PCDHGA8: variants seen among roughly 807,000 people sequenced by gnomAD.
The protein encoded by PCDHGA8 is protocadherin gamma-A8.
PCDHGA8 carries 45 observed loss-of-function variants against 59.2 expected under a neutral mutation model. The observed-to-expected ratio is 0.76, with a 90% CI of 0.60 to 0.98. PCDHGA8 has a LOEUF of 0.98. Among genes scored for constraint, PCDHGA8 ranks in the 50% least tolerant of loss-of-function variants. PCDHGA8 has a pLI of 0.00. For missense variants in PCDHGA8, 1,257 were observed against 1,196.2 expected, an observed-to-expected ratio of 1.05 and a Z score of -0.75; for synonymous variants, 531 against 519.0, an observed-to-expected ratio of 1.02 and a Z score of -0.32.
chr5:141,432,717 C>T lies in PCDHGA8; in HGVS notation c.2424+37480C>T. On this transcript the variant is annotated intron_variant, in intron 1 of 3. Transcript: ENST00000398604. The surrounding 1 kb of genome is among the most constrained non-coding windows in gnomAD (Gnocchi z 6.0). ...GCCGTCCAGGACCACGGCCAGCCCC[C>T]TCTCTCCGCCACTGTCACGCTCACC... 1 of 1,614,030 alleles carries T rather than the reference C, an allele frequency of 6.2e-7. No individual in the cohort carries two copies. Among genetic ancestry groups the T allele is most frequent in the Non-Finnish European group, 8.5e-7 (1 of 1,179,978 alleles).
chr5:141,417,618 G>C, intron 1 of PCDHGA8: 3 of 654,348 alleles, frequency 4.6e-6, no homozygotes, highest in Non-Finnish European at 7.4e-6. Flanking sequence ...CCAGTGCAGA[G>C]CAAGCGCTGA....
rs895234762 is a variant in PCDHGA8 at position 141,476,911 on chromosome 5, A to G, written c.2425-17896A>G. 4 of 1,613,972 alleles carry G rather than the reference A, an allele frequency of 2.5e-6. No individual in the cohort carries two copies. The African/African-American group carries it at 4.0e-5, about 16-fold the overall frequency. On this transcript the variant is annotated intron_variant, in intron 1 of 3. Transcript: ENST00000398604. This position sits in a 1 kb window ranked among gnomAD's most constrained non-coding sequence, Gnocchi z 7.6. ...CACCCTCCGGCACGCGCGTGGTACA[A>G]GTCCTTGCAACGGATCTGGATGAAG...
chr5:141,509,550 T>C (rs1562240751), intron 3 of PCDHGA8, among the ~76,000 whole-genome samples: 1 of 152,142 alleles, frequency 6.6e-6, no homozygotes, highest in Non-Finnish European at 1.5e-5. Flanking sequence ...TCTCATTTAG[T>C]CCTCACAGCA....
At chr5:141,430,877 G>A (rs1392342627) in intron 1 of PCDHGA8, 5 of 1,600,678 alleles carry the variant, frequency 3.1e-6, no homozygotes, top group African/African-American at 2.7e-5. Context: ...GGAAGAGCTG[G>A]AGAAAGGCTC....
In PCDHGA8 at chr5:141,394,557, G is replaced by A. The variant is rs372165481; in HGVS notation, c.1744G>A (p.Ala582Thr). ...TGGCGTGGAGCTGGCGCCCCGCTCC[G>A]CAGAGCGTGGCTACCTGGTGACCAA... ...STGVELAPRS[A>T]ERGYLVTKVV... is the part of the protein sequence containing the mutation. Residue 582 changes from alanine (A) to threonine (T), a missense_variant, in exon 1 of 4, where the codon GCA (alanine) becomes ACA (threonine). Ala to Thr is a moderately conservative substitution (Grantham distance 58). Coordinates refer to ENST00000398604, the MANE Select transcript of PCDHGA8 (RefSeq NM_032088.2). 23 of 1,613,964 alleles carry A rather than the reference G, an allele frequency of 1.4e-5. No individual in the cohort carries two copies. The highest frequency in any genetic ancestry group is 4.4e-5 in the South Asian group (4 of 91,074).
intron 1 of PCDHGA8, among the ~76,000 whole-genome samples, chr5:141,488,661 G>T (rs573211567): frequency 6.6e-6 from 1 of 152,246 alleles, no homozygotes; most frequent in African/African-American, 2.4e-5. Context: ...GGAGGGTGGG[G>T]GAATACATGG....
intron 1 of PCDHGA8, chr5:141,408,577 T>C (rs771768269): frequency 6.2e-7 from 1 of 1,614,068 alleles, no homozygotes; most frequent in South Asian, 1.1e-5. Flanking sequence ...TGATTGAGGA[T>C]GTTAATGACC....
At position 141,432,299 on chromosome 5, in the gene PCDHGA8, C is replaced by G; in HGVS notation, c.2424+37062C>G. ...GTCCATCAACTCCGACACTGGGGTA[C>G]TGTATGCGCTGAGCTCCTTCGACTA... is the stretch of plus-strand genomic sequence containing the variant. On this transcript the variant is annotated intron_variant, in intron 1 of 3. Transcript: ENST00000398604. This position sits in a 1 kb window ranked among gnomAD's most constrained non-coding sequence, Gnocchi z 6.0. The G allele has an allele frequency of 2.5e-6, 4 of 1,614,278 alleles. No homozygotes were observed. The highest frequency in any genetic ancestry group is 3.4e-6 in the Non-Finnish European group (4 of 1,180,056).
chr5:141,413,461 C>G (rs1294898087), intron 1 of PCDHGA8: 11 of 1,614,082 alleles, frequency 6.8e-6, no homozygotes, highest in Non-Finnish European at 7.6e-6. Flanking sequence ...CAGGATAGAC[C>G]GGGAGGAGCT....
At chr5:141,444,152 A>ATTTTTTTTTTTT (rs747671382) in intron 1 of PCDHGA8, among the ~76,000 whole-genome samples, 4 of 33,898 alleles carry the variant, frequency 1.2e-4, no homozygotes, top group Admixed American at 3.9e-4. Flanking sequence ...TGTGTACTGG[A>ATTTTTTTTTTTT]TTTTTTTTTT....
Position 141,427,474 on chromosome 5 carries a change from A to T in PCDHGA8, c.2424+32237A>T, listed in dbSNP as rs373512099. On this transcript the variant is annotated intron_variant, in intron 1 of 3. Transcript: ENST00000398604. The stretch of plus-strand genomic sequence containing the variant: ...CCTTTTAGAATCGAATCTTCCGCCA[A>T]TAATGACTATAAGCTTGTAACAGAT... 10 of 520,294 alleles carry T rather than the reference A, an allele frequency of 1.9e-5. No individual in the cohort carries two copies. In the East Asian group the frequency reaches 2.1e-4, roughly 11 times the overall value. The allele number at this position is 520,294 out of a possible 1,614,324, so 32.2% of individuals were successfully genotyped here. A position where few individuals can be genotyped will look rare whatever the true frequency, so the allele number is the denominator to read the frequency against.
chr5:141,422,520 G>T, intron 1 of PCDHGA8: 2 of 1,613,946 alleles, frequency 1.2e-6, no homozygotes, highest in Middle Eastern at 1.6e-4. Flanking sequence ...AGGGAAGCCC[G>T]CCTTTGTCTG....
At position 141,404,066 on chromosome 5, in the gene PCDHGA8, C is replaced by G. The variant is rs745515085; in HGVS notation, c.2424+8829C>G. The G allele has an allele frequency of 3.1e-6, 5 of 1,613,776 alleles. No individual in the cohort carries two copies. The East Asian group carries it at 8.9e-5, about 29-fold the overall frequency. On this transcript the variant is annotated intron_variant, in intron 1 of 3. Transcript: ENST00000398604. ...AACAGTAATTCTTCTTTTCAATGCT[C>G]ATGACCGAGACTCCGGGAAGAATGG...
At chr5:141,468,748 C>T (rs2099176836) in intron 1 of PCDHGA8, among the ~76,000 whole-genome samples, 1 of 151,866 alleles carries the variant, frequency 6.6e-6, no homozygotes, top group South Asian at 2.1e-4. Context: ...TGCCTGTAGT[C>T]CCAGCTACTC....
intron 1 of PCDHGA8, chr5:141,409,027 TGA>T: frequency 1.9e-6 from 3 of 1,613,978 alleles, no homozygotes; most frequent in Non-Finnish European, 2.5e-6. Context: ...GGGTCAATGC[TGA>T]GATAAACTAC....
intron 1 of PCDHGA8, chr5:141,403,954 C>A: frequency 6.2e-7 from 1 of 1,613,800 alleles, no homozygotes; most frequent in Non-Finnish European, 8.5e-7. Flanking sequence ...CAAAAGTGCT[C>A]ATTTCGGTGG....
Position 141,446,243 on chromosome 5 carries a change from C to T in PCDHGA8, c.2425-48564C>T, listed in dbSNP as rs552551215. Among the ~76,000 whole-genome samples, 23 of 152,096 alleles carry T rather than the reference C, an allele frequency of 1.5e-4. 1 individual carries two copies. The South Asian group carries it at 4.6e-3, about 30-fold the overall frequency. On this transcript the variant is annotated intron_variant, in intron 1 of 3. Coordinates refer to ENST00000398604, the MANE Select transcript of PCDHGA8 (RefSeq NM_032088.2). ...TTGTGTTGCCTGGCAAGTGGTAGAT[C>T]TTCAGTGAAATATTATTAACTGAAT...
chr5:141,437,622 A>G (rs1007643306), intron 1 of PCDHGA8, among the ~76,000 whole-genome samples: 2 of 152,192 alleles, frequency 1.3e-5, no homozygotes, highest in Non-Finnish European at 2.9e-5. Flanking sequence ...TTATCCCCAT[A>G]TAAGATGTCA....
rs779871354 is a variant in PCDHGA8 at position 141,428,131 on chromosome 5, G to A, written c.2424+32894G>A. 8.7e-6 allele frequency: 14 copies of A among 1,602,720 alleles called. No homozygotes were observed. The South Asian group carries it at 1.5e-4, about 18-fold the overall frequency. On this transcript the variant is annotated intron_variant, in intron 1 of 3. Transcript: ENST00000398604. ...CAGGCCATCGAGCCCGGGCTTTTCA[G>A]CCTGGGGCTGCACACGGGAACCTGC...
Sources: allele counts gnomAD v4.1 joint callset (sites outside exome capture counted in the v4.1 genomes callset), GRCh38; gene constraint gnomAD v4.1.1; non-coding constraint Gnocchi (gnomAD v3.1); transcripts MANE v1.5; gene names NCBI Gene and HGNC (gene_info 2026-07-23, HGNC 2026-07-21).